ADARB2: variants seen among roughly 807,000 people sequenced by gnomAD.
ADARB2 encodes the protein adenosine deaminase RNA specific B2 (inactive), also known as inactive double-stranded RNA-specific editase B2.
A neutral mutation model predicts 62.2 loss-of-function variants in ADARB2; 25 were observed. The observed-to-expected ratio is 0.40, with a 90% CI of 0.29 to 0.56. The LOEUF is 0.56. ADARB2 is among the 20% of genes least tolerant of loss of function. The probability of loss-of-function intolerance (pLI) is 0.43; values close to 1 mark genes in which losing one functional copy is unlikely to be tolerated. For missense variants in ADARB2, 1,071 were observed against 1,077.4 expected (o/e 0.99, Z 0.08); for synonymous variants, 572 against 500.8 (o/e 1.14, Z -1.90).
intron 7 of ADARB2, among the ~76,000 whole-genome samples, chr10:1,204,368 G>A (rs960600160): frequency 6.6e-6 from 1 of 152,230 alleles, no homozygotes; most frequent in Non-Finnish European, 1.5e-5. Flanking sequence ...TGAAGGGGCT[G>A]TTTGTAATTG....
At chr10:1,293,684 C>T (rs1269151534) in intron 3 of ADARB2, among the ~76,000 whole-genome samples, 1 of 152,200 alleles carries the variant, frequency 6.6e-6, no homozygotes, top group Non-Finnish European at 1.5e-5. Flanking sequence ...TATCTTCATT[C>T]CCCACTCCTT....
chr10:1,722,902 C>T (rs1032411314), intron 1 of ADARB2, among the ~76,000 whole-genome samples: 2 of 152,186 alleles, frequency 1.3e-5, no homozygotes, highest in Admixed American at 1.3e-4. Flanking sequence ...TGTGCCTATA[C>T]ATACGTGTAT....
In ADARB2 at chr10:1,363,601, C is replaced by A; in HGVS notation, c.504G>T (p.Glu168Asp). 1 of 1,600,908 alleles carries A rather than the reference C, an allele frequency of 6.2e-7. No homozygotes were observed. The highest frequency in any genetic ancestry group is 8.5e-7 in the Non-Finnish European group (1 of 1,173,956). ...CCTTCTTCTTGGTGGGGCCTGTGCC[C>A]TCGAACGTGAGCCCGTTCACCTCCA... ...VAVEVNGLTFEGTGPTKKKAK... is the reference protein window; with the variant it reads ...VAVEVNGLTFDGTGPTKKKAK... Residue 168 changes from glutamate (E) to aspartate (D), a missense_variant, in exon 3 of 10, where the codon GAG becomes GAT. By Grantham distance (45) the Glu-to-Asp change is conservative (BLOSUM62 2). Transcript: ENST00000381312.
chr10:1,357,480 G>GA (rs1564267409), intron 3 of ADARB2, among the ~76,000 whole-genome samples: 7 of 129,490 alleles, frequency 5.4e-5, no homozygotes, highest in African/African-American at 7.9e-5. Context: ...AGGGATGCAT[G>GA]GTTTTTTTAG....
chr10:1,327,520 T>G lies in ADARB2; in HGVS notation c.1077+35508A>C, dbSNP rs368973377. Among the ~76,000 whole-genome samples, 3 of 5,532 alleles carry G rather than the reference T, an allele frequency of 5.4e-4. 1 individual carries two copies. The East Asian group carries it at 0.019, about 35-fold the overall frequency. The allele number at this position is 5,532 out of a possible 152,430, so 3.6% of individuals were successfully genotyped here. A position where few individuals can be genotyped will look rare whatever the true frequency, so the allele number is the denominator to read the frequency against. On this transcript the variant is annotated intron_variant, in intron 3 of 9. Coordinates refer to ENST00000381312, the MANE Select transcript of ADARB2 (RefSeq NM_018702.4). ...CTCCTCACTGCCCAGCGCCTCCCCATGGCACAGCGCCTCCTCACTGCCCAG... is the reference window on the plus strand; with the variant it reads ...CTCCTCACTGCCCAGCGCCTCCCCAGGGCACAGCGCCTCCTCACTGCCCAG...
At chr10:1,212,990 C>T (rs991323139) in intron 7 of ADARB2, among the ~76,000 whole-genome samples, 1 of 152,166 alleles carries the variant, frequency 6.6e-6, no homozygotes, top group Non-Finnish European at 1.5e-5. Flanking sequence ...CAGAGAACAG[C>T]GTGGCAGCAC....
At chr10:1,408,032 A>G (rs1349241146) in intron 1 of ADARB2, among the ~76,000 whole-genome samples, 2 of 152,188 alleles carry the variant, frequency 1.3e-5, no homozygotes, top group African/African-American at 4.8e-5. Flanking sequence ...AAGGGCTCAC[A>G]CTGTTAATTA....
intron 1 of ADARB2, among the ~76,000 whole-genome samples, chr10:1,563,894 T>C (rs1832822676): frequency 6.7e-6 from 1 of 148,906 alleles, no homozygotes; most frequent in Admixed American, 6.7e-5. Context: ...GGTTTTTTGT[T>C]CTTGCGATAG....
At chr10:1,184,674 G>C (rs1444406536) in intron 9 of ADARB2, among the ~76,000 whole-genome samples, 187 bp downstream of exon 9, 1 of 152,226 alleles carries the variant, frequency 6.6e-6, no homozygotes, top group Non-Finnish European at 1.5e-5. Flanking sequence ...GCCTGGGGTA[G>C]CAGGGTCTCA....
At chr10:1,540,267 A>G (rs983168321) in intron 1 of ADARB2, among the ~76,000 whole-genome samples, 2 of 152,124 alleles carry the variant, frequency 1.3e-5, no homozygotes, top group African/African-American at 4.8e-5. Flanking sequence ...TAGGAAATGA[A>G]GAGTTTCTCG....
At chr10:1,675,137 G>A (rs1834449141) in intron 1 of ADARB2, 2 of 984,672 alleles carry the variant, frequency 2.0e-6, no homozygotes, top group Non-Finnish European at 2.4e-6. Context: ...ATGTTCTGGA[G>A]GTTTAGGTTC....
chr10:1,179,325 G>A lies in ADARB2; in HGVS notation c.*3868C>T, dbSNP rs1182521426. The A allele has an allele frequency of 1.3e-5, 2 of 152,280 alleles. No homozygotes were observed. The highest frequency in any genetic ancestry group is 4.8e-5 in the African/African-American group (2 of 41,554). The allele number at this position is 152,280 out of a possible 1,614,324, so 9.4% of individuals were successfully genotyped here. A position where few individuals can be genotyped will look rare whatever the true frequency, so the allele number is the denominator to read the frequency against. On this transcript the variant is annotated 3_prime_UTR_variant, in exon 10 of 10. Coordinates refer to ENST00000381312, the MANE Select transcript of ADARB2 (RefSeq NM_018702.4). The stretch of plus-strand genomic sequence containing the variant: ...AAGGAACCCAGCTTGATGTTTCTGA[G>A]GAACAGGACTCATCACAAAGTCAGC...
intron 1 of ADARB2, among the ~76,000 whole-genome samples, chr10:1,531,612 G>A (rs2131959982): frequency 6.6e-6 from 1 of 152,328 alleles, no homozygotes; most frequent in Middle Eastern, 3.4e-3. Flanking sequence ...GGCCGAGTGG[G>A]TGGATCACAA....
intron 3 of ADARB2, among the ~76,000 whole-genome samples, chr10:1,275,198 CA>C (rs1831303753): frequency 6.6e-6 from 1 of 152,256 alleles, no homozygotes; most frequent in African/African-American, 2.4e-5. Flanking sequence ...GGAGGGCTTG[CA>C]TGGCCAGCAG....
intron 1 of ADARB2, among the ~76,000 whole-genome samples, chr10:1,499,431 C>CT (rs1374033117): frequency 6.6e-6 from 1 of 151,912 alleles, no homozygotes; most frequent in Admixed American, 6.6e-5. Flanking sequence ...CACTCTATTA[C>CT]TTATTACTCA....
chr10:1,529,933 G>GAGACCCATCCATTGCTCCCGCCACCGCA (rs1216659577), intron 1 of ADARB2, among the ~76,000 whole-genome samples: 4 of 152,148 alleles, frequency 2.6e-5, no homozygotes, highest in African/African-American at 9.7e-5. Flanking sequence ...TGCCACTGCA[G>GAGACCCATCCATTGCTCCCGCCACCGCA]GGACCCATTC....
chr10:1,313,162 G>A (rs1269642023), intron 3 of ADARB2, among the ~76,000 whole-genome samples: 2 of 152,170 alleles, frequency 1.3e-5, no homozygotes, highest in African/African-American at 4.8e-5. Context: ...GGTGAGTCCA[G>A]GGTCTCAGGG....
chr10:1,293,210 G>GGGAA, intron 3 of ADARB2, among the ~76,000 whole-genome samples: 4 of 123,274 alleles, frequency 3.2e-5, no homozygotes, highest in Non-Finnish European at 6.9e-5. Flanking sequence ...AAAAGAGGGA[G>GGGAA]GGAGGGAGAG....
intron 3 of ADARB2, among the ~76,000 whole-genome samples, chr10:1,334,211 G>C (rs1831953260): frequency 6.6e-6 from 1 of 152,218 alleles, no homozygotes; most frequent in Non-Finnish European, 1.5e-5. Context: ...TGAGTGTTTA[G>C]TAATCTCCAG....
Sources: allele counts gnomAD v4.1 joint callset (sites outside exome capture counted in the v4.1 genomes callset), GRCh38; gene constraint gnomAD v4.1.1; transcripts MANE v1.5; gene names NCBI Gene and HGNC (gene_info 2026-07-23, HGNC 2026-07-21).